Variants in GABRB2 observed in about 807,000 individuals in gnomAD.
GABRB2 encodes gamma-aminobutyric acid receptor subunit beta-2.
A neutral mutation model predicts 54.7 loss-of-function variants in GABRB2; 16 were observed. The ratio of observed to expected loss-of-function variants is 0.29; its 90% CI spans 0.20 to 0.44. GABRB2 has a LOEUF of 0.44. GABRB2 is among the 20% of genes least tolerant of loss of function. The pLI is 1.00. For synonymous variants in GABRB2, 244 were observed against 233.8 expected (o/e 1.04, Z -0.40); for missense variants, 355 against 644.0 (o/e 0.55, Z 4.86).
intron 5 of GABRB2, among the ~76,000 whole-genome samples, chr5:161,391,057 A>G (rs1052709036): frequency 2.0e-5 from 3 of 152,184 alleles, no homozygotes; most frequent in Admixed American, 6.6e-5. Context: ...ACCAGCAATG[A>G]CAGTTTTGTG....
At chr5:161,423,366 A>T (rs906001425) in intron 4 of GABRB2, among the ~76,000 whole-genome samples, 20 of 152,136 alleles carry the variant, frequency 1.3e-4, no homozygotes, top group African/African-American at 4.8e-4. Flanking sequence ...TTCTTTACAA[A>T]TTGAAATTTT....
At chr5:161,313,124 T>C (rs1757924221) in intron 9 of GABRB2, among the ~76,000 whole-genome samples, 1 of 152,118 alleles carries the variant, frequency 6.6e-6, no homozygotes, top group Non-Finnish European at 1.5e-5. Flanking sequence ...TTATGTCCTG[T>C]GAAGTCAAGG....
intron 3 of GABRB2, among the ~76,000 whole-genome samples, chr5:161,463,549 TTTTATTTATATA>T (rs1346170042): frequency 0.056 from 3,053 of 54,410 alleles, 197 homozygotes; most frequent in East Asian, 0.089. Context: ...TTCCAAATAT[TTTTATTTATATA>T]TATATATATA....
intron 3 of GABRB2, among the ~76,000 whole-genome samples, chr5:161,465,314 A>G (rs923956954): frequency 1.3e-5 from 2 of 152,140 alleles, no homozygotes; most frequent in Non-Finnish European, 2.9e-5. Context: ...ACAGGGACAT[A>G]GGGCTCCACC....
At chr5:161,301,705 T>C (rs910713473) in intron 9 of GABRB2, among the ~76,000 whole-genome samples, 6 of 152,232 alleles carry the variant, frequency 3.9e-5, no homozygotes, top group Non-Finnish European at 5.9e-5. Flanking sequence ...CAAGGACCTA[T>C]GCTGCAGGCC....
At chr5:161,522,216 T>C (rs1293929856) in intron 3 of GABRB2, among the ~76,000 whole-genome samples, 1 of 151,830 alleles carries the variant, frequency 6.6e-6, no homozygotes, top group Non-Finnish European at 1.5e-5. Context: ...CATTTGAGAT[T>C]AGACACATTT....
chr5:161,438,533 C>A (rs1757374207), intron 4 of GABRB2, among the ~76,000 whole-genome samples: 1 of 152,174 alleles, frequency 6.6e-6, no homozygotes, highest in South Asian at 2.1e-4. Flanking sequence ...GAAAACATGA[C>A]CTCACCAAAT....
chr5:161,521,689 A>G (rs946063877), intron 3 of GABRB2, among the ~76,000 whole-genome samples: 14 of 151,900 alleles, frequency 9.2e-5, no homozygotes, highest in African/African-American at 3.4e-4. Context: ...ACATATTTAT[A>G]CTCAATCAGG....
intron 5 of GABRB2, among the ~76,000 whole-genome samples, chr5:161,374,806 T>A (rs1019959766): frequency 6.6e-6 from 1 of 152,178 alleles, no homozygotes. Context: ...TACACCACAT[T>A]ATATATTTAT....
At chr5:161,458,178 G>GT (rs1412620595) in intron 4 of GABRB2, among the ~76,000 whole-genome samples, 1 of 152,156 alleles carries the variant, frequency 6.6e-6, no homozygotes, top group Non-Finnish European at 1.5e-5. Flanking sequence ...GATACTGTAT[G>GT]TTTTGTAGTT....
intron 3 of GABRB2, among the ~76,000 whole-genome samples, chr5:161,498,360 T>C (rs1475870733): frequency 6.6e-6 from 1 of 152,146 alleles, no homozygotes; most frequent in Non-Finnish European, 1.5e-5. Flanking sequence ...GTTTTTTTTT[T>C]TTAGCTATAC....
At chr5:161,519,345 C>T (rs974565139) in intron 3 of GABRB2, among the ~76,000 whole-genome samples, 2 of 152,176 alleles carry the variant, frequency 1.3e-5, no homozygotes, top group Admixed American at 1.3e-4. Context: ...GTTGGGCCTA[C>T]ATTAAGGCAT....
chr5:161,351,672 A>G (rs558568673), intron 5 of GABRB2, among the ~76,000 whole-genome samples: 1 of 152,262 alleles, frequency 6.6e-6, no homozygotes, highest in East Asian at 1.9e-4. Flanking sequence ...CCCAGAAAGC[A>G]CAGGCAACAA....
chr5:161,294,867 T>A (rs1394775951), intron 9 of GABRB2, among the ~76,000 whole-genome samples: 1 of 152,164 alleles, frequency 6.6e-6, no homozygotes, highest in Non-Finnish European at 1.5e-5. Context: ...ATAGATGAAT[T>A]AATAACAAAA....
chr5:161,547,731 T>A (rs1219753521), upstream of GABRB2, among the ~76,000 whole-genome samples: 1 of 151,834 alleles, frequency 6.6e-6, no homozygotes, highest in Non-Finnish European at 1.5e-5. Flanking sequence ...CTAGCGCAGG[T>A]GCGGGGGACT....
intron 5 of GABRB2, among the ~76,000 whole-genome samples, chr5:161,357,432 G>C (rs1754665982): frequency 6.6e-6 from 1 of 152,068 alleles, no homozygotes; most frequent in Non-Finnish European, 1.5e-5. Flanking sequence ...AGAAGTGCAG[G>C]GTTGGCAGTC....
chr5:161,378,107 T>A (rs186381017), intron 5 of GABRB2, among the ~76,000 whole-genome samples: 1 of 152,218 alleles, frequency 6.6e-6, no homozygotes, highest in African/African-American at 2.4e-5. Flanking sequence ...TTGAGAACTC[T>A]GGGAACTCTG....
intron 5 of GABRB2, among the ~76,000 whole-genome samples, chr5:161,343,597 T>C (rs538771475): frequency 6.6e-6 from 1 of 152,192 alleles, no homozygotes; most frequent in South Asian, 2.1e-4. Flanking sequence ...TTTTCTTACG[T>C]ATGTTTAGAG....
At chr5:161,524,367 G>T (rs1211383843) in intron 3 of GABRB2, among the ~76,000 whole-genome samples, 1 of 151,668 alleles carries the variant, frequency 6.6e-6, no homozygotes, top group African/African-American at 2.4e-5. Context: ...TTATTTGCTG[G>T]CAAGCAGACG....
Sources: allele counts gnomAD v4.1 joint callset (sites outside exome capture counted in the v4.1 genomes callset), GRCh38; gene constraint gnomAD v4.1.1; transcripts MANE v1.5; gene names NCBI Gene and HGNC (gene_info 2026-07-23, HGNC 2026-07-21).